Variants in RAB18 observed in about 807,000 individuals in gnomAD.
RAB18 encodes ras-related protein Rab-18.
Under a neutral mutation model 28.5 loss-of-function variants are expected in RAB18, and 10 were observed. The observed-to-expected ratio is 0.35, with a 90% CI of 0.22 to 0.60. The LOEUF (loss-of-function observed/expected upper bound fraction) is 0.60, where lower values mean the gene tolerates loss of function less well. Among genes scored for constraint, RAB18 ranks in the 20% least tolerant of loss-of-function variants. The pLI is 0.78. For missense variants in RAB18, 188 were observed against 244.2 expected (o/e 0.77, Z 1.53); for synonymous variants, 93 against 86.9 (o/e 1.07, Z -0.39).
chr10:27,538,651 C>G lies in RAB18; in HGVS notation c.*600C>G. The G allele has an allele frequency of 2.2e-6, 1 of 453,820 alleles. No individual in the cohort carries two copies. Among genetic ancestry groups the G allele is most frequent in the Non-Finnish European group, 4.4e-6 (1 of 226,544 alleles). The allele number at this position is 453,820 out of a possible 1,614,324, so 28.1% of individuals were successfully genotyped here. A position where few individuals can be genotyped will look rare whatever the true frequency, so the allele number is the denominator to read the frequency against. On this transcript the variant is annotated 3_prime_UTR_variant, in exon 7 of 7. Coordinates refer to ENST00000356940, the MANE Select transcript of RAB18 (RefSeq NM_021252.5). ...AAACAGCATTGATAGGTTAAAGAAGCTTGGTATTTTTAATTTACTTCAATG... is the reference window on the plus strand; with the variant it reads ...AAACAGCATTGATAGGTTAAAGAAGGTTGGTATTTTTAATTTACTTCAATG...
At chr10:27,521,424 C>T (rs1834550481) in intron 2 of RAB18, among the ~76,000 whole-genome samples, 1 of 152,150 alleles carries the variant, frequency 6.6e-6, no homozygotes, top group African/African-American at 2.4e-5. Context: ...CAGCACAATT[C>T]ACAATTGCAA....
Position 27,540,886 on chromosome 10 carries a change from T to A in RAB18, c.*2835T>A. 1 of 454,100 alleles carries A rather than the reference T, an allele frequency of 2.2e-6. No individual in the cohort carries two copies. The highest frequency in any genetic ancestry group is 4.4e-6 in the Non-Finnish European group (1 of 226,768). The allele number at this position is 454,100 out of a possible 1,614,324, so 28.1% of individuals were successfully genotyped here. A position where few individuals can be genotyped will look rare whatever the true frequency, so the allele number is the denominator to read the frequency against. ...CATGATTCTCTACTAAGGGTGGGGC[T>A]AGCACCATAGCTCATAAAAGAATCC... is the stretch of plus-strand genomic sequence containing the variant. On this transcript the variant is annotated 3_prime_UTR_variant, in exon 7 of 7. Transcript: ENST00000356940.
At chr10:27,524,512 G>A (rs577356846) in intron 2 of RAB18, among the ~76,000 whole-genome samples, 55 of 152,234 alleles carry the variant, frequency 3.6e-4, no homozygotes, top group African/African-American at 1.2e-3. Flanking sequence ...TTTGAAATAA[G>A]CAGTAAGTGC....
At chr10:27,520,538 T>A (rs1373502269) in intron 2 of RAB18, among the ~76,000 whole-genome samples, 1 of 152,204 alleles carries the variant, frequency 6.6e-6, no homozygotes, top group Non-Finnish European at 1.5e-5. Context: ...GCACAGAGTT[T>A]ACTCCTCTCT....
rs1289478550 is a variant in RAB18, at chr10:27,504,378, G to A, written c.9G>A (p.Glu3=). MD[E]DVLTTLKILI... Reference sequence around the variant, plus strand: ...AGCGGAACGGGGTCAGGATGGACGAGGACGTGCTAACCACCCTGAAGATCC... The same window carrying A: ...AGCGGAACGGGGTCAGGATGGACGAAGACGTGCTAACCACCCTGAAGATCC... The change falls in exon 1 of 7, where the codon GAG becomes GAA. Residue 3 remains glutamate, a synonymous_variant. Coordinates refer to ENST00000356940, the MANE Select transcript of RAB18 (RefSeq NM_021252.5). The A allele has an allele frequency of 1.3e-6, 2 of 1,575,624 alleles. No homozygotes were observed. Among genetic ancestry groups the A allele is most frequent in the South Asian group, 1.2e-5 (1 of 85,756 alleles).
chr10:27,504,316 G>A lies in RAB18; in HGVS notation c.-54G>A, dbSNP rs1050875764. 17 of 1,528,672 alleles carry A rather than the reference G, an allele frequency of 1.1e-5. No homozygotes were observed. The African/African-American group carries it at 1.8e-4, about 16-fold the overall frequency. The allele number at this position is 1,528,672 out of a possible 1,614,324, so 94.7% of individuals were successfully genotyped here. On this transcript the variant is annotated 5_prime_UTR_variant, in exon 1 of 7. Transcript: ENST00000356940. ...TGCGCAGCAGCTCACTCTGCTGAAGGGCTGAGAGGCGCACCCGGGCGGCCA... is the reference window on the plus strand; with the variant it reads ...TGCGCAGCAGCTCACTCTGCTGAAGAGCTGAGAGGCGCACCCGGGCGGCCA...
At chr10:27,523,941 T>G (rs1459691840) in intron 2 of RAB18, among the ~76,000 whole-genome samples, 1 of 151,512 alleles carries the variant, frequency 6.6e-6, no homozygotes, top group Non-Finnish European at 1.5e-5. Flanking sequence ...TAGCCGGGCG[T>G]GGTGGCAGGC....
At chr10:27,534,058 G>A (rs1462648018) in intron 6 of RAB18, 64 bp downstream of exon 6, 7 of 1,446,562 alleles carry the variant, frequency 4.8e-6, no homozygotes, top group African/African-American at 1.4e-5. Flanking sequence ...TGGAGTTTTT[G>A]CCAAGTTTAT....
At chr10:27,516,840 G>A (rs1834446216) in intron 2 of RAB18, among the ~76,000 whole-genome samples, 2 of 152,136 alleles carry the variant, frequency 1.3e-5, no homozygotes, top group Non-Finnish European at 2.9e-5. Flanking sequence ...AGTTGAAAAA[G>A]AAGTAAGAAA....
intron 2 of RAB18, among the ~76,000 whole-genome samples, chr10:27,522,219 T>C (rs1834574566): frequency 2.0e-5 from 3 of 152,196 alleles, no homozygotes; most frequent in Non-Finnish European, 4.4e-5. Context: ...ATCAAGTGTT[T>C]GCTTTGTATA....
chr10:27,523,272 T>C (rs1221439907), intron 2 of RAB18, among the ~76,000 whole-genome samples: 4 of 49,988 alleles, frequency 8.0e-5, no homozygotes, highest in Non-Finnish European at 1.8e-4. Flanking sequence ...CTTCTTTTTT[T>C]TTTTTTTTTT....
rs571014657 is a variant in RAB18 at position 27,527,970 on chromosome 10, A to G, written c.186+1081A>G. Among the ~76,000 whole-genome samples the G allele has an allele frequency of 1.8e-4, 28 of 152,258 alleles. No homozygotes were observed. The South Asian group carries it at 5.6e-3, about 30-fold the overall frequency. On this transcript the variant is annotated intron_variant, in intron 3 of 6. Transcript: ENST00000356940. ...TTTCCCCCAAATATGTTTAATATCA[A>G]TCAGAACGGTAATGTCTAACAGAAA...
chr10:27,516,673 T>C (rs1185890621), intron 2 of RAB18, among the ~76,000 whole-genome samples: 3 of 152,186 alleles, frequency 2.0e-5, no homozygotes, highest in Non-Finnish European at 4.4e-5. Context: ...ACTTCTAATT[T>C]GGAATTCTTT....
chr10:27,510,213 C>CT (rs1292589326), intron 2 of RAB18: 2 of 444,266 alleles, frequency 4.5e-6, no homozygotes, highest in African/African-American at 4.0e-5. Flanking sequence ...TATGGATTGT[C>CT]TTTTATTTTG....
chr10:27,505,323 T>A (rs1837795480), intron 1 of RAB18: 1 of 364,630 alleles, frequency 2.7e-6, no homozygotes, highest in South Asian at 2.1e-5. Context: ...TCCTGATCCT[T>A]AAACCACATT....
chr10:27,505,266 G>C (rs988658777), intron 1 of RAB18: 1 of 439,816 alleles, frequency 2.3e-6, no homozygotes. Flanking sequence ...TTCTCCAGCT[G>C]ATGTCATTCT....
intron 1 of RAB18, among the ~76,000 whole-genome samples, chr10:27,507,641 A>G (rs576970987): frequency 2.0e-5 from 3 of 151,242 alleles, no homozygotes; most frequent in South Asian, 2.1e-4. Flanking sequence ...GGTCACATCT[A>G]AGTGCCATGG....
At chr10:27,532,144 G>T (rs1834801321) in intron 3 of RAB18, among the ~76,000 whole-genome samples, 1 of 151,680 alleles carries the variant, frequency 6.6e-6, no homozygotes, top group Admixed American at 6.6e-5. Flanking sequence ...AAAAATTCCT[G>T]TCATTACCTT....
intron 3 of RAB18, among the ~76,000 whole-genome samples, chr10:27,528,826 C>T (rs1329077991): frequency 6.6e-6 from 1 of 151,938 alleles, no homozygotes; most frequent in Non-Finnish European, 1.5e-5. Context: ...GTTTATACTC[C>T]CACCAATTGT....
Sources: allele counts gnomAD v4.1 joint callset (sites outside exome capture counted in the v4.1 genomes callset), GRCh38; gene constraint gnomAD v4.1.1; transcripts MANE v1.5; gene names NCBI Gene and HGNC (gene_info 2026-07-23, HGNC 2026-07-21).